ALKBH7: variants seen among roughly 807,000 people sequenced by gnomAD.
ALKBH7 encodes RNA demethylase ALKBH7, mitochondrial.
Under a neutral mutation model 19.3 loss-of-function variants are expected in ALKBH7, and 21 were observed. The ratio of observed to expected loss-of-function variants is 1.09; its 90% CI spans 0.77 to 1.56. The LOEUF (loss-of-function observed/expected upper bound fraction) is 1.56. Among genes scored for constraint, ALKBH7 ranks in the 40% most tolerant of loss-of-function variants. The pLI, the probability that ALKBH7 is intolerant of heterozygous loss-of-function variation, is 0.00. For missense variants in ALKBH7, 354 were observed against 311.4 expected, an observed-to-expected ratio of 1.14 and a Z score of -1.03; for synonymous variants, 147 against 139.5, an observed-to-expected ratio of 1.05 and a Z score of -0.38.
rs2091896466 is a variant in ALKBH7 at position 6,372,794 on chromosome 19, CCT to C, written c.-21_-20del. 6.5e-6 allele frequency: 10 copies of C among 1,534,364 alleles called. No individual in the cohort carries two copies. In the African/African-American group the frequency reaches 1.2e-4, roughly 19 times the overall value. Reference sequence around the variant, plus strand: ...TGGCGGGGGCGTTCCCCAACCCTGCCCTCTCTCATGACCCCGCTCCGGGATTA... The same window carrying C: ...TGGCGGGGGCGTTCCCCAACCCTGCCCTCTCATGACCCCGCTCCGGGATTA... On this transcript the variant is annotated 5_prime_UTR_variant, in exon 1 of 4. Transcript: ENST00000245812.
intron 1 of ALKBH7, chr19:6,373,643 GGGGGGGAC>G: frequency 8.0e-7 from 1 of 1,247,292 alleles, no homozygotes; most frequent in Non-Finnish European, 1.0e-6. Flanking sequence ...GCCATGCTGT[GGGGGGGAC>G]GGGGAAGTCG....
intron 1 of ALKBH7, 117 bp downstream of exon 1, chr19:6,373,141 G>C: frequency 7.4e-7 from 1 of 1,359,338 alleles, no homozygotes; most frequent in Non-Finnish European, 9.8e-7. Flanking sequence ...GCGGGGATTT[G>C]GAGCGGGGAC....
intron 1 of ALKBH7, chr19:6,373,555 C>G (rs1245304561): frequency 2.1e-6 from 2 of 934,988 alleles, no homozygotes; most frequent in Non-Finnish European, 2.7e-6. Context: ...GGGGCGTGGT[C>G]AGGTCGTCGA....
In ALKBH7 at chr19:6,372,859, A is replaced by C; in HGVS notation, c.39A>C (p.Pro13=). Residue 13 remains proline (P), a synonymous_variant, in exon 1 of 4, where the codon CCA becomes CCC. Coordinates refer to ENST00000245812, the MANE Select transcript of ALKBH7 (RefSeq NM_032306.4). ...GTGLLALRTL[P]GPSWVRGSGP... Reference sequence around the variant, plus strand: ...GGCTGCTGGCGCTGCGGACGCTGCCAGGGCCCAGCTGGGTGCGAGGCTCGG... The same window carrying C: ...GGCTGCTGGCGCTGCGGACGCTGCCCGGGCCCAGCTGGGTGCGAGGCTCGG... 1 of 1,550,220 alleles carries C rather than the reference A, an allele frequency of 6.5e-7. No individual in the cohort carries two copies. Among genetic ancestry groups the C allele is most frequent in the Non-Finnish European group, 8.7e-7 (1 of 1,151,318 alleles).
rs1568326458 is a variant in ALKBH7 at position 6,375,153 on chromosome 19, G to A, written c.*180G>A. On this transcript the variant is annotated 3_prime_UTR_variant, in exon 4 of 4. Coordinates refer to ENST00000245812, the MANE Select transcript of ALKBH7 (RefSeq NM_032306.4). ...CACATGGTCAAAGTCACAAGGCCGG[G>A]AGAGTGGTGTCCTTTATTGCACTCA... is the stretch of plus-strand genomic sequence containing the variant. The A allele has an allele frequency of 6.2e-6, 8 of 1,290,590 alleles. No individual in the cohort carries two copies. The highest frequency in any genetic ancestry group is 8.2e-6 in the Non-Finnish European group (8 of 973,572). 79.9% of individuals were successfully genotyped at this position (1,290,590 alleles called of 1,614,324 possible).
intron 1 of ALKBH7, 77 bp from the exon 2 acceptor site, chr19:6,374,126 C>T: frequency 6.3e-7 from 1 of 1,584,104 alleles, no homozygotes; most frequent in Non-Finnish European, 8.5e-7. Context: ...CAGCCCCTTG[C>T]CGTTTTCTGC....
chr19:6,372,796 T>C lies in ALKBH7; in HGVS notation c.-25T>C. On this transcript the variant is annotated 5_prime_UTR_variant, in exon 1 of 4. Coordinates refer to ENST00000245812, the MANE Select transcript of ALKBH7 (RefSeq NM_032306.4). The stretch of plus-strand genomic sequence containing the variant: ...GCGGGGGCGTTCCCCAACCCTGCCC[T>C]CTCTCATGACCCCGCTCCGGGATTA... The C allele has an allele frequency of 6.5e-7, 1 of 1,534,782 alleles. No homozygotes were observed. Among genetic ancestry groups the C allele is most frequent in the Non-Finnish European group, 8.7e-7 (1 of 1,146,384 alleles).
intron 2 of ALKBH7, 22 bp downstream of exon 2, chr19:6,374,398 G>C: frequency 6.2e-7 from 1 of 1,603,638 alleles, no homozygotes; most frequent in Non-Finnish European, 8.5e-7. Flanking sequence ...ACGGTGCCTT[G>C]GCACTCCCAG....
chr19:6,374,065 G>A, intron 1 of ALKBH7, 138 bp from the exon 2 acceptor site: 2 of 1,507,400 alleles, frequency 1.3e-6, no homozygotes, highest in Non-Finnish European at 1.8e-6. Flanking sequence ...CATAGTTGAG[G>A]GGCTAGGGGA....
chr19:6,374,637 C>T, intron 3 of ALKBH7, 48 bp downstream of exon 3: 2 of 1,611,690 alleles, frequency 1.2e-6, no homozygotes, highest in South Asian at 1.1e-5. Context: ...GTGCCATCCG[C>T]CCACCCTGTG....
At chr19:6,374,419 G>C (rs2091909846) in intron 2 of ALKBH7, 43 bp downstream of exon 2, 1 of 1,605,228 alleles carries the variant, frequency 6.2e-7, no homozygotes, top group African/African-American at 1.3e-5. Context: ...CCAGGGGGTA[G>C]GCAGGCCCGG....
chr19:6,374,699 G>C, intron 3 of ALKBH7, 110 bp downstream of exon 3: 1 of 1,602,776 alleles, frequency 6.2e-7, no homozygotes, highest in Non-Finnish European at 8.5e-7. Flanking sequence ...CTTTACCCCA[G>C]GGTCTGTGTG....
At chr19:6,373,982 G>C in intron 1 of ALKBH7, 1 of 985,254 alleles carries the variant, frequency 1.0e-6, no homozygotes, top group Non-Finnish European at 1.2e-6. Flanking sequence ...TGCTGGGGCC[G>C]GGCCAGCATT....
intron 1 of ALKBH7, 49 bp downstream of exon 1, chr19:6,373,073 C>T (rs1256926317): frequency 2.0e-6 from 3 of 1,520,938 alleles, no homozygotes; most frequent in East Asian, 2.5e-5. Flanking sequence ...GTCGGGGGCG[C>T]GGCCTGGGGA....
chr19:6,373,060 C>A lies in ALKBH7; in HGVS notation c.204+36C>A, dbSNP rs1026334927. ...CAGCGCCGGGGGCGAGGGACGGGGG[C>A]TCGTCGGGGGCGCGGCCTGGGGACG... On this transcript the variant is annotated intron_variant, in intron 1 of 3. Transcript: ENST00000245812. 32 of 1,534,630 alleles carry A rather than the reference C, an allele frequency of 2.1e-5. No homozygotes were observed. In the African/African-American group the frequency reaches 3.9e-4, roughly 19 times the overall value.
At chr19:6,374,101 G>A (rs2091907627) in intron 1 of ALKBH7, 102 bp from the exon 2 acceptor site, 29 of 1,572,148 alleles carry the variant, frequency 1.8e-5, no homozygotes, top group Non-Finnish European at 2.5e-5. Flanking sequence ...AGGGTCAAGA[G>A]TCACATAGGG....
In ALKBH7 at chr19:6,374,579, T is replaced by A. The variant is rs1453499479; in HGVS notation, c.493T>A (p.Tyr165Asn). 2 of 1,613,172 alleles carry A rather than the reference T, an allele frequency of 1.2e-6. No individual in the cohort carries two copies. The highest frequency in any genetic ancestry group is 1.7e-5 in the Admixed American group (1 of 59,968). ...LELLLEPGSL[Y>N]ILRGSARYDF... ...ACTCTTGCTGGAGCCGGGCTCCCTC[T>A]ACATCCTTAGGTACCTCCATCCAGG... The change falls in exon 3 of 4, where the codon TAC becomes AAC. Residue 165 changes from tyrosine (Y) to asparagine (N), a missense_variant. Coordinates refer to ENST00000245812, the MANE Select transcript of ALKBH7 (RefSeq NM_032306.4).
Position 6,374,388 on chromosome 19 carries a change from A to T in ALKBH7, c.378+12A>T. On this transcript the variant is annotated intron_variant, in intron 2 of 3. Coordinates refer to ENST00000245812, the MANE Select transcript of ALKBH7 (RefSeq NM_032306.4). ...TGGACAGCATCAAGGTGGGCAGAGG[A>T]CGGTGCCTTGGCACTCCCAGCCAGG... 6.2e-7 allele frequency: 1 copy of T among 1,604,914 alleles called. No individual in the cohort carries two copies. Among genetic ancestry groups the T allele is most frequent in the South Asian group, 1.1e-5 (1 of 90,784 alleles).
Position 6,372,989 on chromosome 19 carries a change from C to T in ALKBH7, c.169C>T (p.Arg57Cys), listed in dbSNP as rs868484216. 2 of 1,572,396 alleles carry T rather than the reference C, an allele frequency of 1.3e-6. No homozygotes were observed. Among genetic ancestry groups the T allele is most frequent in the South Asian group, 2.3e-5 (2 of 86,316 alleles). Reference sequence around the variant, plus strand: ...GAGCCGAGAACTGGAGCCCGAGCTGCGCCGCCGCCGCTACGAATACGATCA... The same window carrying T: ...GAGCCGAGAACTGGAGCCCGAGCTGTGCCGCCGCCGCTACGAATACGATCA... Reference protein sequence around the residue: ...TLSRELEPELRRRRYEYDHWD... With the variant: ...TLSRELEPELCRRRYEYDHWD... The change falls in exon 1 of 4, where the codon CGC (arginine) becomes TGC (cysteine). Residue 57 changes from arginine to cysteine, a missense_variant. Coordinates refer to ENST00000245812, the MANE Select transcript of ALKBH7 (RefSeq NM_032306.4).
Sources: gnomAD v4.1 joint callset for allele counts on GRCh38, gnomAD v4.1.1 for gene constraint, MANE v1.5 for transcripts, NCBI Gene and HGNC (gene_info 2026-07-23, HGNC 2026-07-21) for gene names.